Variants in NBEA observed in about 807,000 individuals in gnomAD.
NBEA encodes neurobeachin, also known as lysosomal-trafficking regulator 2.
In NBEA, 44 loss-of-function variants were observed where a neutral mutation model predicts 343.4. The observed-to-expected ratio is 0.13, with a 90% confidence interval of 0.10 to 0.16. The LOEUF (loss-of-function observed/expected upper bound fraction) is 0.16. Ranked by LOEUF, NBEA falls within the 10% of genes least tolerant of loss-of-function variation. The probability of loss-of-function intolerance (pLI) is 1.00; values close to 1 mark genes in which losing one functional copy is unlikely to be tolerated. For synonymous variants in NBEA, 1,175 were observed against 1,238.7 expected (o/e 0.95, Z 1.08); for missense variants, 2,555 against 3,631.3 (o/e 0.70, Z 7.62).
chr13:35,174,096 C>G (rs762804137), intron 27 of NBEA, among the ~76,000 whole-genome samples: 16 of 152,066 alleles, frequency 1.1e-4, no homozygotes, highest in Non-Finnish European at 2.1e-4. Flanking sequence ...GTGCCTGGTC[C>G]TTGCTTACTT....
chr13:35,306,115 T>C (rs1384831885), intron 35 of NBEA, among the ~76,000 whole-genome samples: 3 of 152,168 alleles, frequency 2.0e-5, no homozygotes, highest in Non-Finnish European at 2.9e-5. Flanking sequence ...TCTTCCATCT[T>C]CTAGTTTTGC....
In NBEA at chr13:35,098,419, G is replaced by A. The variant is rs1177262896; in HGVS notation, c.1680+14G>A. 2.0e-6 allele frequency: 3 copies of A among 1,533,718 alleles called. No homozygotes were observed. Among genetic ancestry groups the A allele is most frequent in the African/African-American group, 2.7e-5 (2 of 73,304 alleles). ...TTACTTGAAAAGGTAAGTGATATGT[G>A]TTGATGGTTTTATTGTGTAGCTTCA... On this transcript the variant is annotated intron_variant, in intron 11 of 58. Coordinates refer to ENST00000379939, the MANE Select transcript of NBEA (RefSeq NM_001385012.1).
At chr13:35,597,857 A>G (rs549461527) in intron 47 of NBEA, among the ~76,000 whole-genome samples, 2 of 152,294 alleles carry the variant, frequency 1.3e-5, no homozygotes, top group South Asian at 4.1e-4. Flanking sequence ...AGAATAAGGA[A>G]GAGTAGACAC....
intron 8 of NBEA, among the ~76,000 whole-genome samples, chr13:35,064,985 T>C (rs2063598196): frequency 6.7e-6 from 1 of 150,044 alleles, no homozygotes; most frequent in Admixed American, 6.7e-5. Flanking sequence ...GTCTTATCTG[T>C]GTTGTGAGCG....
chr13:35,202,802 TAA>T (rs2073112859), intron 31 of NBEA, among the ~76,000 whole-genome samples: 3 of 152,232 alleles, frequency 2.0e-5, no homozygotes, highest in Admixed American at 1.3e-4. Flanking sequence ...AAAAGAGGTA[TAA>T]AAAATTAGTA....
At chr13:35,252,149 G>A (rs2032050894) in intron 34 of NBEA, among the ~76,000 whole-genome samples, 1 of 152,070 alleles carries the variant, frequency 6.6e-6, no homozygotes, top group South Asian at 2.1e-4. Flanking sequence ...CAAATGGCTG[G>A]GGAGGCCTCA....
chr13:35,305,608 C>G (rs904301785), intron 35 of NBEA, among the ~76,000 whole-genome samples: 1 of 152,124 alleles, frequency 6.6e-6, no homozygotes, highest in Non-Finnish European at 1.5e-5. Flanking sequence ...TTCCCTCCAT[C>G]TTGGCTGCCA....
At chr13:35,132,232 A>T (rs1407184950) in intron 17 of NBEA, among the ~76,000 whole-genome samples, 1 of 152,168 alleles carries the variant, frequency 6.6e-6, no homozygotes, top group East Asian at 1.9e-4. Flanking sequence ...ATCTCCGCTC[A>T]CTGAAACCTC....
At chr13:35,477,881 G>A (rs1042439557) in intron 41 of NBEA, among the ~76,000 whole-genome samples, 3 of 152,196 alleles carry the variant, frequency 2.0e-5, no homozygotes, top group African/African-American at 4.8e-5. Context: ...GGAAACAGGA[G>A]GAGGAATTTT....
At position 35,070,756 on chromosome 13, in the gene NBEA, C is replaced by A; in HGVS notation, c.1475C>A (p.Ala492Glu). 6.2e-7 allele frequency: 1 copy of A among 1,607,732 alleles called. No homozygotes were observed. The highest frequency in any genetic ancestry group is 1.3e-5 in the African/African-American group (1 of 74,872). The change falls in exon 10 of 59, where the codon GCA becomes GAA. Residue 492 changes from alanine to glutamate, a missense_variant. By Grantham distance (107) the Ala-to-Glu change is moderately radical. Coordinates refer to ENST00000379939, the MANE Select transcript of NBEA (RefSeq NM_001385012.1). Reference protein sequence around the residue: ...KAIVTHSIHSAIHSIGGIQVL... With the variant: ...KAIVTHSIHSEIHSIGGIQVL... ...ATAGTAACACATTCAATTCATAGTG[C>A]AATTCATTCAATTGGAGGGATTCAA... is the stretch of plus-strand genomic sequence containing the variant.
At chr13:35,132,305 G>A (rs572689946) in intron 17 of NBEA, among the ~76,000 whole-genome samples, 1 of 152,010 alleles carries the variant, frequency 6.6e-6, no homozygotes, top group Non-Finnish European at 1.5e-5. Flanking sequence ...CTACAGGTGC[G>A]TGCCACCATG....
intron 41 of NBEA, among the ~76,000 whole-genome samples, chr13:35,538,128 C>A (rs992296922): frequency 1.3e-5 from 2 of 152,072 alleles, no homozygotes; most frequent in African/African-American, 4.8e-5. Flanking sequence ...TATCCCTTGT[C>A]GCAAATGCTT....
chr13:35,630,946 A>T (rs1038753674), intron 49 of NBEA, among the ~76,000 whole-genome samples: 19 of 152,188 alleles, frequency 1.2e-4, no homozygotes, highest in African/African-American at 4.3e-4. Flanking sequence ...CCCACTTCCC[A>T]CCATTCCCCC....
At chr13:35,417,360 C>T (rs534311644) in intron 38 of NBEA, among the ~76,000 whole-genome samples, 15 of 151,926 alleles carry the variant, frequency 9.9e-5, no homozygotes, top group Non-Finnish European at 1.9e-4. Context: ...CCTGCTTTCT[C>T]TTGTGGGCAT....
chr13:35,574,136 A>G (rs1361797116), intron 45 of NBEA, among the ~76,000 whole-genome samples: 1 of 152,090 alleles, frequency 6.6e-6, no homozygotes, highest in African/African-American at 2.4e-5. Context: ...AATATTTTGC[A>G]TGTGTTTATT....
chr13:34,975,926 A>AT lies in NBEA; in HGVS notation c.294+32813dup, dbSNP rs1445082551. Among the ~76,000 whole-genome samples the AT allele has an allele frequency of 9.9e-5, 15 of 152,268 alleles. No homozygotes were observed. The East Asian group carries it at 2.7e-3, about 27-fold the overall frequency. The stretch of plus-strand genomic sequence containing the variant: ...ATATCAAAAAATCAAAAACTAATAG[A>AT]TGTTGGTTTGGATGTGGTGAAAAGG... On this transcript the variant is annotated intron_variant, in intron 1 of 58. Transcript: ENST00000379939.
intron 38 of NBEA, among the ~76,000 whole-genome samples, chr13:35,381,925 TC>T: frequency 6.6e-6 from 1 of 152,286 alleles, no homozygotes; most frequent in South Asian, 2.1e-4. Context: ...TTAATTATCT[TC>T]TTCTATTTCT....
At chr13:35,380,065 C>T (rs2041931936) in intron 38 of NBEA, among the ~76,000 whole-genome samples, 1 of 152,160 alleles carries the variant, frequency 6.6e-6, no homozygotes, top group Non-Finnish European at 1.5e-5. Context: ...AGGGAAGTGA[C>T]ACCTTTGCAC....
intron 38 of NBEA, among the ~76,000 whole-genome samples, chr13:35,366,478 A>C (rs1004648855): frequency 9.9e-5 from 15 of 151,280 alleles, no homozygotes; most frequent in Non-Finnish European, 2.1e-4. Flanking sequence ...GCAGTTTAAA[A>C]TTTTTGGTAT....
Sources: allele counts gnomAD v4.1 joint callset (sites outside exome capture counted in the v4.1 genomes callset), GRCh38; gene constraint gnomAD v4.1.1; transcripts MANE v1.5; gene names NCBI Gene and HGNC (gene_info 2026-07-23, HGNC 2026-07-21).